The following B3GALT5 variants were observed in gnomAD, a reference collection of about 807,000 sequenced individuals.
B3GALT5 encodes UDP-Gal:betaGlcNAc beta 1,3-galactosyltransferase, polypeptide 5.
For synonymous variants in B3GALT5, 156 were observed against 158.6 expected (o/e 0.98, Z 0.12); for missense variants, 328 against 396.6 (o/e 0.83, Z 1.47).
In B3GALT5 at chr21:39,672,504, T is replaced by G. The variant is rs577594943; in HGVS notation, c.*11012T>G. 24 of 152,374 alleles carry G rather than the reference T, an allele frequency of 1.6e-4. 1 individual carries two copies. The highest frequency in any genetic ancestry group is 5.8e-4 in the African/African-American group (24 of 41,596). The allele number at this position is 152,374 out of a possible 1,614,324, so 9.4% of individuals were successfully genotyped here. ...ATTAGGGGGATCTGCTAGACTCTTA[T>G]GTCATTGTATTTTGGAAATGGGTAT... On this transcript the variant is annotated 3_prime_UTR_variant, in exon 4 of 4. Transcript: ENST00000684187.
At chr21:39,614,552 A>C (rs1172802937) in intron 1 of B3GALT5, among the ~76,000 whole-genome samples, 2 of 152,212 alleles carry the variant, frequency 1.3e-5, no homozygotes, top group African/African-American at 4.8e-5. Flanking sequence ...TACTTTGAAT[A>C]AACAAGGGCC....
chr21:39,650,631 C>G (rs925712544), intron 2 of B3GALT5, among the ~76,000 whole-genome samples: 35 of 152,154 alleles, frequency 2.3e-4, no homozygotes, highest in South Asian at 2.1e-4. Flanking sequence ...CGTGCAGATG[C>G]CAGCGCCTGG....
intron 1 of B3GALT5, 106 bp downstream of exon 1, chr21:39,613,173 G>C (rs1008427892): frequency 1.1e-4 from 17 of 150,822 alleles, no homozygotes; most frequent in Admixed American, 6.6e-4. Flanking sequence ...GGGGACCGCG[G>C]CGCGGCCGCG....
At chr21:39,639,624 C>T (rs856988) in intron 1 of B3GALT5, among the ~76,000 whole-genome samples, 32,619 of 150,910 alleles carry the variant, frequency 0.22, 3,773 homozygotes, top group South Asian at 0.4. Flanking sequence ...GGATTACAGG[C>T]GGGTGCCACC....
In B3GALT5 at chr21:39,665,519, C is replaced by G. The variant is rs1474250077; in HGVS notation, c.*4027C>G. ...TACCTGTGATTCCCTAATCGTGTCC[C>G]TTTGCTCACTCCCTCTGGCCTCTTG... is the stretch of plus-strand genomic sequence containing the variant. On this transcript the variant is annotated 3_prime_UTR_variant, in exon 4 of 4. Coordinates refer to ENST00000684187, the MANE Select transcript of B3GALT5 (RefSeq NM_001356336.2). The G allele has an allele frequency of 6.6e-6, 1 of 152,320 alleles. No homozygotes were observed. The highest frequency in any genetic ancestry group is 1.5e-5 in the Non-Finnish European group (1 of 68,116). 9.4% of individuals were successfully genotyped at this position (152,320 alleles called of 1,614,324 possible). A position where few individuals can be genotyped will look rare whatever the true frequency, so the allele number is the denominator to read the frequency against.
In B3GALT5 at chr21:39,660,836, A is replaced by T; in HGVS notation, c.277A>T (p.Thr93Ser). 6.2e-7 allele frequency: 1 copy of T among 1,608,168 alleles called. No homozygotes were observed. Among genetic ancestry groups the T allele is most frequent in the Middle Eastern group, 1.7e-4 (1 of 6,008 alleles). The stretch of plus-strand genomic sequence containing the variant: ...GATGGTGAAGGGAAAGCAGCTGAAG[A>T]CATTCTTCCTCCTGGGGACCACCAG... ...ERMVKGKQLK[T>S]FFLLGTTSSA... The change falls in exon 4 of 4, where the codon ACA becomes TCA. Residue 93 changes from threonine to serine, a missense_variant. Physicochemically the swap from Thr to Ser is moderately conservative, Grantham distance 58. Coordinates refer to ENST00000684187, the MANE Select transcript of B3GALT5 (RefSeq NM_001356336.2).
At chr21:39,638,116 C>T (rs965040887) in intron 1 of B3GALT5, among the ~76,000 whole-genome samples, 11 of 152,128 alleles carry the variant, frequency 7.2e-5, no homozygotes, top group Admixed American at 1.3e-4. Flanking sequence ...TTAAATGATA[C>T]TGAAGGGGGA....
At chr21:39,644,758 A>G (rs922055024) in intron 1 of B3GALT5, among the ~76,000 whole-genome samples, 5 of 152,184 alleles carry the variant, frequency 3.3e-5, no homozygotes, top group Non-Finnish European at 2.9e-5. Flanking sequence ...CAGATTGGGC[A>G]TTGTGACCTT....
chr21:39,615,216 A>T (rs541034668), intron 1 of B3GALT5, among the ~76,000 whole-genome samples: 1 of 152,266 alleles, frequency 6.6e-6, no homozygotes, highest in African/African-American at 2.4e-5. Flanking sequence ...CCTTGGCCTG[A>T]GGATAGGGTT....
intron 1 of B3GALT5, among the ~76,000 whole-genome samples, chr21:39,630,926 A>G (rs1185876844): frequency 1.3e-5 from 2 of 152,140 alleles, no homozygotes; most frequent in African/African-American, 2.4e-5. Context: ...TGGGGGAAAA[A>G]TTATATGGAA....
intron 1 of B3GALT5, among the ~76,000 whole-genome samples, chr21:39,644,187 G>T (rs930707114): frequency 6.6e-6 from 1 of 152,124 alleles, no homozygotes; most frequent in East Asian, 1.9e-4. Context: ...GTAGACAGTA[G>T]GGCAGAGGAA....
intron 1 of B3GALT5, among the ~76,000 whole-genome samples, chr21:39,620,632 C>G (rs529856545): frequency 6.6e-6 from 1 of 152,154 alleles, no homozygotes; most frequent in Non-Finnish European, 1.5e-5. Flanking sequence ...ATTGCAGGTG[C>G]ATGATTTCCC....
intron 1 of B3GALT5, among the ~76,000 whole-genome samples, chr21:39,617,866 A>G (rs1442762514): frequency 6.6e-6 from 1 of 152,154 alleles, no homozygotes; most frequent in African/African-American, 2.4e-5. Context: ...CTGTGGGTGT[A>G]GTTCATTCAT....
intron 1 of B3GALT5, among the ~76,000 whole-genome samples, chr21:39,638,330 C>T (rs549893321): frequency 6.8e-4 from 103 of 152,246 alleles, no homozygotes; most frequent in African/African-American, 2.3e-3. Context: ...AGCACATCAG[C>T]GGAGGAACAC....
chr21:39,638,711 C>T (rs187931286), intron 1 of B3GALT5, among the ~76,000 whole-genome samples: 12 of 152,140 alleles, frequency 7.9e-5, no homozygotes, highest in South Asian at 2.1e-4. Flanking sequence ...CTGGAACACA[C>T]GCCCACTGGG....
At position 39,660,758 on chromosome 21, in the gene B3GALT5, C is replaced by A; in HGVS notation, c.199C>A (p.His67Asn). 2 of 1,552,946 alleles carry A rather than the reference C, an allele frequency of 1.3e-6. No individual in the cohort carries two copies. Among genetic ancestry groups the A allele is most frequent in the Admixed American group, 1.9e-5 (1 of 51,494 alleles). Residue 67 changes from histidine to asparagine, a missense_variant, in exon 4 of 4, where the codon CAC becomes AAC. Transcript: ENST00000684187. Reference sequence around the variant, plus strand: ...CCTCGTCCTGCTGGTGACCTCATCCCACAAACAGTTGGCTGAGCGCATGGC... The same window carrying A: ...CCTCGTCCTGCTGGTGACCTCATCCAACAAACAGTTGGCTGAGCGCATGGC... The part of the protein sequence containing the change: ...PFLVLLVTSS[H>N]KQLAERMAIR...
At chr21:39,615,704 T>C (rs2079104102) in intron 1 of B3GALT5, among the ~76,000 whole-genome samples, 1 of 152,230 alleles carries the variant, frequency 6.6e-6, no homozygotes, top group Non-Finnish European at 1.5e-5. Context: ...GTTTCGTTAA[T>C]TGAAATTGAA....
intron 1 of B3GALT5, chr21:39,630,248 T>G (rs2079184438): frequency 6.6e-6 from 1 of 152,236 alleles, no homozygotes; most frequent in South Asian, 2.1e-4. Context: ...CACGTTAAAA[T>G]CTGTGGTTTT....
At chr21:39,638,591 C>T (rs1412776198) in intron 1 of B3GALT5, among the ~76,000 whole-genome samples, 2 of 152,180 alleles carry the variant, frequency 1.3e-5, no homozygotes, top group Admixed American at 6.5e-5. Flanking sequence ...TCTTCAGGTA[C>T]AGCAAGGCAA....
Sources: gnomAD v4.1 joint callset for allele counts (sites outside exome capture counted in the v4.1 genomes callset) on GRCh38, gnomAD v4.1.1 for gene constraint, MANE v1.5 for transcripts, NCBI Gene and HGNC (gene_info 2026-07-23, HGNC 2026-07-21) for gene names.